The following ROBO1 variants were observed in gnomAD, a reference collection of about 807,000 sequenced individuals.
ROBO1 encodes roundabout homolog 1.
ROBO1 carries 149 observed loss-of-function variants against 195.9 expected under a neutral mutation model. That is an observed-to-expected ratio of 0.76 (90% CI 0.67 to 0.87). The LOEUF (loss-of-function observed/expected upper bound fraction) is 0.87. Among genes scored for constraint, ROBO1 ranks in the 40% least tolerant of loss-of-function variants. The pLI, the probability that ROBO1 is intolerant of heterozygous loss-of-function variation, is 0.00. For missense variants in ROBO1, 1,933 were observed against 2,068.3 expected, an observed-to-expected ratio of 0.93 and a Z score of 1.27; for synonymous variants, 816 against 733.2, an observed-to-expected ratio of 1.11 and a Z score of -1.82.
At chr3:79,250,964 AG>A (rs2082717408) in intron 2 of ROBO1, among the ~76,000 whole-genome samples, 1 of 152,172 alleles carries the variant, frequency 6.6e-6, no homozygotes, top group South Asian at 2.1e-4. Flanking sequence ...CTTAGGCACA[AG>A]AATCACTTGA....
intron 3 of ROBO1, among the ~76,000 whole-genome samples, chr3:79,016,996 C>T (rs1233215686): frequency 6.6e-6 from 1 of 152,138 alleles, no homozygotes; most frequent in Non-Finnish European, 1.5e-5. Flanking sequence ...TAAGGCATTA[C>T]AGAAGGAGAA....
intron 1 of ROBO1, among the ~76,000 whole-genome samples, chr3:79,626,181 T>G (rs1040154322): frequency 2.6e-5 from 4 of 152,180 alleles, no homozygotes; most frequent in Admixed American, 1.3e-4. Context: ...GCATGGTGGC[T>G]CACACCTGTA....
intron 2 of ROBO1, among the ~76,000 whole-genome samples, chr3:79,341,453 C>T (rs2034901119): frequency 6.6e-6 from 1 of 151,986 alleles, no homozygotes. Context: ...CACATCTTAG[C>T]AGTTCCTATC....
rs1703946035 is a variant in ROBO1, at chr3:79,747,941, T to C, written c.-51+19811A>G. Among the ~76,000 whole-genome samples the C allele has an allele frequency of 2.0e-5, 3 of 152,106 alleles. No individual in the cohort carries two copies. In the South Asian group the frequency reaches 6.2e-4, roughly 31 times the overall value. The stretch of plus-strand genomic sequence containing the variant: ...TTGTTGGTATGACTAAATATATGAA[T>C]ACATACAATTATTTGTAATATGGTT... On this transcript the variant is annotated intron_variant, in intron 1 of 30. Transcript: ENST00000464233.
intron 3 of ROBO1, among the ~76,000 whole-genome samples, chr3:79,011,219 G>C (rs561125585): frequency 5.9e-5 from 9 of 152,276 alleles, no homozygotes; most frequent in East Asian, 5.8e-4. Flanking sequence ...AGAGTGACAG[G>C]CTTCCTTTTC....
chr3:78,900,529 T>A (rs1456853362), intron 4 of ROBO1, among the ~76,000 whole-genome samples: 2 of 152,170 alleles, frequency 1.3e-5, no homozygotes, highest in Non-Finnish European at 2.9e-5. Flanking sequence ...AAAATATTTA[T>A]GTTAACAAAT....
chr3:79,395,178 C>T (rs186901499), intron 2 of ROBO1, among the ~76,000 whole-genome samples: 27 of 151,822 alleles, frequency 1.8e-4, no homozygotes, highest in African/African-American at 6.5e-4. Flanking sequence ...AAAAAATTCT[C>T]CGGGCGTGGT....
At chr3:79,719,255 C>T (rs1402282948) in intron 1 of ROBO1, among the ~76,000 whole-genome samples, 1 of 152,082 alleles carries the variant, frequency 6.6e-6, no homozygotes, top group Admixed American at 6.5e-5. Flanking sequence ...AAAATTATGC[C>T]TAAGCAGTCT....
intron 4 of ROBO1, among the ~76,000 whole-genome samples, chr3:78,748,728 A>T (rs2082718757): frequency 1.3e-5 from 2 of 152,056 alleles, no homozygotes; most frequent in South Asian, 4.1e-4. Context: ...AAGTTATCAC[A>T]TCCATGAAAA....
chr3:79,398,651 A>T (rs1161699203), intron 2 of ROBO1, among the ~76,000 whole-genome samples: 2 of 152,164 alleles, frequency 1.3e-5, no homozygotes, highest in African/African-American at 4.8e-5. Flanking sequence ...GGAAGTTTTC[A>T]TTCAGAAGAG....
intron 2 of ROBO1, among the ~76,000 whole-genome samples, chr3:79,409,933 CAT>C (rs1379682074): frequency 6.6e-6 from 1 of 151,934 alleles, no homozygotes; most frequent in African/African-American, 2.4e-5. Context: ...ATTATTTGCA[CAT>C]ATATATATAC....
chr3:79,069,400 T>C (rs540112487), intron 3 of ROBO1, among the ~76,000 whole-genome samples: 328 of 152,028 alleles, frequency 2.2e-3, no homozygotes, highest in African/African-American at 7.6e-3. Flanking sequence ...TTTATTCACC[T>C]GGACATGGTC....
chr3:79,764,427 T>C (rs902714459), intron 1 of ROBO1, among the ~76,000 whole-genome samples: 17 of 152,194 alleles, frequency 1.1e-4, no homozygotes, highest in African/African-American at 3.9e-4. Context: ...GGAAAATCAG[T>C]TGAGTTTAGG....
chr3:79,579,561 C>T (rs1699164267), intron 2 of ROBO1, among the ~76,000 whole-genome samples: 1 of 152,178 alleles, frequency 6.6e-6, no homozygotes, highest in Non-Finnish European at 1.5e-5. Flanking sequence ...TAATGTATTA[C>T]ATGGAAGTAT....
intron 2 of ROBO1, among the ~76,000 whole-genome samples, chr3:79,535,740 G>T (rs1285562277): frequency 1.3e-5 from 2 of 151,504 alleles, no homozygotes; most frequent in African/African-American, 4.9e-5. Flanking sequence ...ATGTTGACAT[G>T]CTAGGATGTG....
At chr3:79,018,720 G>A in intron 3 of ROBO1, 1 of 1,285,158 alleles carries the variant, frequency 7.8e-7, no homozygotes, top group Non-Finnish European at 9.9e-7. Flanking sequence ...ACACTTTCAA[G>A]AACCATCCAA....
intron 16 of ROBO1, chr3:78,660,272 C>T (rs1465074859): frequency 6.5e-6 from 1 of 153,660 alleles, no homozygotes; most frequent in Non-Finnish European, 1.4e-5. Flanking sequence ...CCCAAACTAC[C>T]TAAGTTGTTC....
At chr3:78,810,937 G>A (rs1357014923) in intron 4 of ROBO1, among the ~76,000 whole-genome samples, 1 of 152,100 alleles carries the variant, frequency 6.6e-6, no homozygotes, top group East Asian at 1.9e-4. Flanking sequence ...ACCTGCTCAA[G>A]AAAAAGGACA....
intron 3 of ROBO1, among the ~76,000 whole-genome samples, chr3:78,962,281 A>C (rs1360252013): frequency 6.6e-6 from 1 of 152,222 alleles, no homozygotes; most frequent in Non-Finnish European, 1.5e-5. Flanking sequence ...AGTGGAATGC[A>C]AATCTCTCTG....
Sources: gnomAD v4.1 joint callset for allele counts (sites outside exome capture counted in the v4.1 genomes callset) on GRCh38, gnomAD v4.1.1 for gene constraint, MANE v1.5 for transcripts, NCBI Gene and HGNC (gene_info 2026-07-23, HGNC 2026-07-21) for gene names.